CSMD1: variants seen among roughly 807,000 people sequenced by gnomAD.
The protein encoded by CSMD1 is CUB and sushi domain-containing protein 1.
CSMD1 carries 213 observed loss-of-function variants against 417.5 expected under a neutral mutation model. The ratio of observed to expected loss-of-function variants is 0.51; its 90% CI spans 0.46 to 0.57. The LOEUF is 0.57. Ranked by LOEUF, CSMD1 falls within the 20% of genes least tolerant of loss-of-function variation. The probability of loss-of-function intolerance (pLI) is 0.00; values close to 1 mark genes in which losing one functional copy is unlikely to be tolerated. For synonymous variants in CSMD1, 2,862 were observed against 1,736.8 expected (o/e 1.65, Z -16.11); for missense variants, 6,923 against 4,529.7 (o/e 1.53, Z -15.17).
intron 1 of CSMD1, among the ~76,000 whole-genome samples, chr8:4,852,336 T>TGAGA (rs1350655571): frequency 6.6e-6 from 1 of 152,092 alleles, no homozygotes; most frequent in Non-Finnish European, 1.5e-5. Context: ...CTTGCAACAG[T>TGAGA]GAGAGAGTTC....
chr8:4,265,882 G>C (rs1804199906), intron 3 of CSMD1, among the ~76,000 whole-genome samples: 1 of 104,418 alleles, frequency 9.6e-6, no homozygotes, highest in Non-Finnish European at 2.6e-5. Context: ...CACAGATAAA[G>C]ATTCCCACAC....
At chr8:4,447,595 C>T (rs1400939496) in intron 2 of CSMD1, among the ~76,000 whole-genome samples, 1 of 152,190 alleles carries the variant, frequency 6.6e-6, no homozygotes, top group African/African-American at 2.4e-5. Context: ...AAAACGCTTT[C>T]ATGTAATACT....
At chr8:3,563,179 T>A (rs1288040465) in intron 10 of CSMD1, among the ~76,000 whole-genome samples, 1 of 152,048 alleles carries the variant, frequency 6.6e-6, no homozygotes, top group East Asian at 1.9e-4. Context: ...GTGACTACGT[T>A]TTATTTAGTT....
intron 8 of CSMD1, among the ~76,000 whole-genome samples, chr8:3,611,402 G>C (rs1373063501): frequency 6.6e-6 from 1 of 152,126 alleles, no homozygotes; most frequent in Non-Finnish European, 1.5e-5. Flanking sequence ...GTTTTGAGTT[G>C]AGCTGGCTGC....
chr8:4,028,154 G>T (rs1265155752), intron 4 of CSMD1, among the ~76,000 whole-genome samples: 1 of 152,084 alleles, frequency 6.6e-6, no homozygotes, highest in Non-Finnish European at 1.5e-5. Context: ...GAGCATTTTA[G>T]AAAAAATAAT....
rs759168576 is a variant in CSMD1, at chr8:4,864,897, A to AACACACACACACACACACAAAC, written c.85+129434_85+129435insGTTTGTGTGTGTGTGTGTGTGT. Among the ~76,000 whole-genome samples, 269 of 50,482 alleles carry AACACACACACACACACACAAAC rather than the reference A, an allele frequency of 5.3e-3. 2 individuals carry two copies. Among genetic ancestry groups the AACACACACACACACACACAAAC allele is most frequent in the African/African-American group, 0.012 (259 of 22,024 alleles). 33.1% of individuals were successfully genotyped at this position (50,482 alleles called of 152,430 possible). ...TACTACACACACACACACACACACA[A>AACACACACACACACACACAAAC]ACACACACACACACACTTGATATAA... On this transcript the variant is annotated intron_variant, in intron 1 of 69. Coordinates refer to ENST00000635120, the MANE Select transcript of CSMD1 (RefSeq NM_033225.6).
intron 3 of CSMD1, among the ~76,000 whole-genome samples, chr8:4,142,747 G>C (rs1803867114): frequency 6.6e-6 from 1 of 150,974 alleles, no homozygotes; most frequent in Non-Finnish European, 1.5e-5. Flanking sequence ...AGATTACATT[G>C]AACTTGCCAA....
At chr8:3,700,936 C>A (rs762998092) in intron 7 of CSMD1, among the ~76,000 whole-genome samples, 2 of 151,738 alleles carry the variant, frequency 1.3e-5, no homozygotes, top group African/African-American at 4.8e-5. Flanking sequence ...CAGGGTGGGA[C>A]TTTGTCAGGG....
At chr8:4,806,844 A>G (rs1475954285) in intron 1 of CSMD1, among the ~76,000 whole-genome samples, 2 of 152,220 alleles carry the variant, frequency 1.3e-5, no homozygotes, top group Non-Finnish European at 2.9e-5. Context: ...TGAAGGTGTC[A>G]TAAAAAAATA....
At chr8:4,133,838 C>A (rs1309120407) in intron 3 of CSMD1, among the ~76,000 whole-genome samples, 2 of 152,032 alleles carry the variant, frequency 1.3e-5, no homozygotes, top group African/African-American at 4.8e-5. Context: ...AAACACACAC[C>A]TGCTTTGCAA....
chr8:4,164,972 T>C (rs377633020), intron 3 of CSMD1, among the ~76,000 whole-genome samples: 86 of 152,268 alleles, frequency 5.6e-4, no homozygotes, highest in African/African-American at 1.9e-3. Flanking sequence ...GCAGTAGGAA[T>C]TTTTATAATT....
intron 7 of CSMD1, 43 bp from the exon 8 acceptor site, chr8:3,616,840 G>A: frequency 2.9e-6 from 4 of 1,376,842 alleles, no homozygotes; most frequent in South Asian, 1.3e-5. Context: ...TATAGTTATT[G>A]AGGAAATACC....
chr8:3,376,903 G>A (rs11136614), intron 18 of CSMD1, among the ~76,000 whole-genome samples: 76,608 of 152,074 alleles, frequency 0.5, 19,580 homozygotes, highest in African/African-American at 0.55. Context: ...CTTAAGATTT[G>A]AAGGGTAATG....
chr8:4,031,446 T>A (rs190960186), intron 4 of CSMD1, among the ~76,000 whole-genome samples: 1 of 152,138 alleles, frequency 6.6e-6, no homozygotes, highest in Non-Finnish European at 1.5e-5. Flanking sequence ...ATAAGACTTA[T>A]GTGCTATGAT....
chr8:4,018,831 T>A (rs568778395), intron 4 of CSMD1, among the ~76,000 whole-genome samples: 13 of 152,316 alleles, frequency 8.5e-5, no homozygotes, highest in African/African-American at 3.1e-4. Context: ...GGGACCTTGG[T>A]GAAGTCACTG....
chr8:4,271,570 G>C (rs1458759829), intron 3 of CSMD1, among the ~76,000 whole-genome samples: 1 of 143,128 alleles, frequency 7.0e-6, no homozygotes, highest in Non-Finnish European at 1.5e-5. Context: ...TCAAAAGAGA[G>C]AAAAAAAAAA....
chr8:3,873,293 G>T (rs1486062765), intron 5 of CSMD1, among the ~76,000 whole-genome samples: 2 of 151,972 alleles, frequency 1.3e-5, no homozygotes, highest in Non-Finnish European at 2.9e-5. Context: ...GCAAAGACAT[G>T]GAATCAACCT....
intron 3 of CSMD1, among the ~76,000 whole-genome samples, chr8:4,269,918 G>A (rs1292103032): frequency 2.0e-5 from 3 of 152,176 alleles, no homozygotes; most frequent in Non-Finnish European, 4.4e-5. Flanking sequence ...GATGGAGGAA[G>A]AAGGGCGTTC....
In CSMD1 at chr8:4,861,534, G is replaced by T. The variant is rs540831648; in HGVS notation, c.85+132798C>A. Among the ~76,000 whole-genome samples the T allele has an allele frequency of 2.3e-3, 351 of 152,220 alleles. 2 individuals are homozygous for T. Among genetic ancestry groups the T allele is most frequent in the African/African-American group, 8.2e-3 (341 of 41,488 alleles). ...GTCAAGTGAGGGGTATGGAGAAAAT[G>T]ACATAGGTGGATGTTACGAAGAAAA... On this transcript the variant is annotated intron_variant, in intron 1 of 69. Coordinates refer to ENST00000635120, the MANE Select transcript of CSMD1 (RefSeq NM_033225.6).
Sources: allele counts gnomAD v4.1 joint callset (sites outside exome capture counted in the v4.1 genomes callset), GRCh38; gene constraint gnomAD v4.1.1; transcripts MANE v1.5; gene names NCBI Gene and HGNC (gene_info 2026-07-23, HGNC 2026-07-21).